TMEM39B: variants seen among roughly 807,000 people sequenced by gnomAD.
TMEM39B encodes transmembrane protein 39B.
TMEM39B carries 23 observed loss-of-function variants against 52.2 expected under a neutral mutation model. That is an observed-to-expected ratio of 0.44 (90% confidence interval 0.32 to 0.62). The LOEUF (loss-of-function observed/expected upper bound fraction) is 0.62. Among genes scored for constraint, TMEM39B ranks in the 20% least tolerant of loss-of-function variants. TMEM39B has a pLI of 0.06. For synonymous variants in TMEM39B, 285 were observed against 264.0 expected, an observed-to-expected ratio of 1.08 and a Z score of -0.77; for missense variants, 547 against 642.0, an observed-to-expected ratio of 0.85 and a Z score of 1.60.
At chr1:32,087,986 T>A (rs972395200) in intron 5 of TMEM39B, among the ~76,000 whole-genome samples, 1 of 150,200 alleles carries the variant, frequency 6.7e-6, no homozygotes, top group Non-Finnish European at 1.5e-5. Context: ...ATTATGTGAC[T>A]CTGGTGGCGG....
Position 32,075,774 on chromosome 1 carries a change from G to A in TMEM39B, c.303G>A (p.Lys101=). The stretch of plus-strand genomic sequence containing the variant: ...TCGTCCACTACATCAACATCTACAA[G>A]ACAGTGTGGTGGTATCCACCTTCCC... ...ALFVHYINIY[K]TVWWYPPSHP... The change falls in exon 3 of 9, where the codon AAG becomes AAA. Residue 101 remains lysine (K), a synonymous_variant. Transcript: ENST00000336294. 2 of 1,546,540 alleles carry A rather than the reference G, an allele frequency of 1.3e-6. No individual in the cohort carries two copies. The highest frequency in any genetic ancestry group is 2.5e-5 in the East Asian group (1 of 40,774).
At chr1:32,076,931 G>A (rs1639887398) in intron 4 of TMEM39B, 85 bp downstream of exon 4, 1 of 1,491,456 alleles carries the variant, frequency 6.7e-7, no homozygotes, top group Non-Finnish European at 9.3e-7. Context: ...CAGCCCTTCA[G>A]CCTTAGGGTA....
chr1:32,082,656 A>G (rs890136420), intron 5 of TMEM39B, among the ~76,000 whole-genome samples: 10 of 151,302 alleles, frequency 6.6e-5, no homozygotes, highest in African/African-American at 2.2e-4. Context: ...GGGTTTCGCC[A>G]TGTTTGCCAG....
chr1:32,076,263 C>T (rs950661632), intron 3 of TMEM39B: 4 of 251,922 alleles, frequency 1.6e-5, no homozygotes, highest in Admixed American at 4.7e-5. Context: ...AGGTGTGTGC[C>T]GCCATGTCCG....
chr1:32,086,669 A>C (rs1640362050), intron 5 of TMEM39B, among the ~76,000 whole-genome samples: 1 of 151,840 alleles, frequency 6.6e-6, no homozygotes, highest in Non-Finnish European at 1.5e-5. Context: ...TTGGAGGCTG[A>C]GGTGGGAGGA....
At chr1:32,101,444 A>T (rs935570978) in intron 8 of TMEM39B, among the ~76,000 whole-genome samples, 25 of 150,142 alleles carry the variant, frequency 1.7e-4, no homozygotes, top group African/African-American at 6.1e-4. Flanking sequence ...CCCTTTTTTA[A>T]AAAAAACAAT....
intron 5 of TMEM39B, among the ~76,000 whole-genome samples, chr1:32,083,037 G>T (rs1322677668): frequency 4.7e-5 from 7 of 148,542 alleles, no homozygotes; most frequent in Non-Finnish European, 1.0e-4. Flanking sequence ...GCCTCCCAAA[G>T]TGCTGGGATT....
upstream of TMEM39B, chr1:32,072,872 A>G: frequency 1.2e-6 from 1 of 815,100 alleles, no homozygotes; most frequent in South Asian, 1.9e-5. Flanking sequence ...GGCCCCTTTA[A>G]GAAGCGCGCG....
chr1:32,085,488 C>T (rs865979133), intron 5 of TMEM39B, among the ~76,000 whole-genome samples: 7 of 152,250 alleles, frequency 4.6e-5, no homozygotes, highest in African/African-American at 1.7e-4. Context: ...CGTGGTGGCT[C>T]ACGCCAGTAA....
upstream of TMEM39B, chr1:32,072,817 G>C (rs540784574): frequency 5.5e-6 from 3 of 547,496 alleles, no homozygotes; most frequent in Admixed American, 1.1e-4. Flanking sequence ...AAGGGCGTGG[G>C]GGACCGAGAG....
chr1:32,100,059 C>G (rs1640959488), intron 7 of TMEM39B, among the ~76,000 whole-genome samples: 1 of 151,532 alleles, frequency 6.6e-6, no homozygotes, highest in African/African-American at 2.4e-5. Context: ...AAAAAAAAAG[C>G]CCACAAAGAG....
Position 32,075,135 on chromosome 1 carries a change from G to C in TMEM39B, c.131+58G>C, listed in dbSNP as rs1307152887. ...GGCCTCACAGGGACGATGTGGACAG[G>C]GCTCTCTCTGACTGGATTCTAAGAT... On this transcript the variant is annotated intron_variant, in intron 2 of 8. Transcript: ENST00000336294. 2.7e-6 allele frequency: 4 copies of C among 1,501,052 alleles called. No individual in the cohort carries two copies. The African/African-American group carries it at 5.6e-5, about 21-fold the overall frequency. The allele number at this position is 1,501,052 out of a possible 1,614,324, so 93.0% of individuals were successfully genotyped here.
Position 32,075,067 on chromosome 1 carries a change from T to G in TMEM39B, c.121T>G (p.Ser41Ala), listed in dbSNP as rs1639795787. ...TSSASVTSVR[S>A]RTRSSSGTGL... ...CAGTGCATCGGTGACCAGTGTTCGT[T>G]CCCGCACCAGGTAAACCACCTCTCT... The change falls in exon 2 of 9, where the codon TCC becomes GCC. Residue 41 changes from serine (S) to alanine (A), a missense_variant. Physicochemically the swap from Ser to Ala is moderately conservative, Grantham distance 99. Transcript: ENST00000336294. The G allele has an allele frequency of 1.3e-6, 2 of 1,550,554 alleles. No homozygotes were observed. Among genetic ancestry groups the G allele is most frequent in the African/African-American group, 1.4e-5 (1 of 72,994 alleles).
intron 5 of TMEM39B, among the ~76,000 whole-genome samples, chr1:32,087,247 G>T (rs1347635282): frequency 6.6e-6 from 1 of 151,316 alleles, no homozygotes; most frequent in South Asian, 2.1e-4. Context: ...GAACCCGGGA[G>T]GGGGAGGTTG....
intron 5 of TMEM39B, among the ~76,000 whole-genome samples, chr1:32,090,387 C>T (rs900832441): frequency 4.6e-5 from 7 of 152,090 alleles, no homozygotes; most frequent in East Asian, 1.9e-4. Flanking sequence ...CCTGAACCGC[C>T]CTCTGCAAAC....
At chr1:32,081,502 C>T (rs539740901) in intron 5 of TMEM39B, among the ~76,000 whole-genome samples, 1 of 152,288 alleles carries the variant, frequency 6.6e-6, no homozygotes, top group African/African-American at 2.4e-5. Flanking sequence ...AATCCCAGCA[C>T]TTTGGAAGGC....
At chr1:32,079,140 C>A (rs961379501) in intron 5 of TMEM39B, among the ~76,000 whole-genome samples, 4 of 150,352 alleles carry the variant, frequency 2.7e-5, no homozygotes, top group African/African-American at 9.8e-5. Flanking sequence ...CAGGTCTGTT[C>A]CCACTACTGA....
intron 5 of TMEM39B, among the ~76,000 whole-genome samples, chr1:32,090,614 AT>A (rs543501589): frequency 3.5e-4 from 53 of 151,072 alleles, no homozygotes; most frequent in Non-Finnish European, 6.8e-4. Context: ...TACCTGCCTA[AT>A]TTTTTTTTGT....
intron 5 of TMEM39B, among the ~76,000 whole-genome samples, chr1:32,079,726 A>G (rs1302261707): frequency 1.3e-5 from 2 of 151,542 alleles, no homozygotes; most frequent in East Asian, 1.9e-4. Flanking sequence ...GCCTCGCAGT[A>G]TTCTATGTTA....
Sources: gnomAD v4.1 joint callset for allele counts (sites outside exome capture counted in the v4.1 genomes callset) on GRCh38, gnomAD v4.1.1 for gene constraint, MANE v1.5 for transcripts, NCBI Gene and HGNC (gene_info 2026-07-23, HGNC 2026-07-21) for gene names.